Variants in PLEKHB2 observed in about 807,000 individuals in gnomAD.
The protein encoded by PLEKHB2 is pleckstrin homology domain-containing family B member 2.
Under a neutral mutation model 36.5 loss-of-function variants are expected in PLEKHB2, and 31 were observed. The ratio of observed to expected loss-of-function variants is 0.85; its 90% CI spans 0.64 to 1.15. The LOEUF is 1.15. Among genes scored for constraint, PLEKHB2 ranks in the 50% most tolerant of loss-of-function variants. PLEKHB2 has a pLI of 0.00. For synonymous variants in PLEKHB2, 119 were observed against 112.0 expected (o/e 1.06, Z -0.39); for missense variants, 262 against 295.3 (o/e 0.89, Z 0.83).
intron 1 of PLEKHB2, chr2:131,107,696 C>T (rs1694875891): frequency 6.6e-6 from 1 of 152,206 alleles, no homozygotes; most frequent in Non-Finnish European, 1.5e-5. Flanking sequence ...GAGTTTCACT[C>T]CTGTTGCTTA....
chr2:131,112,740 C>G (rs1397772992), intron 1 of PLEKHB2, among the ~76,000 whole-genome samples: 1 of 152,044 alleles, frequency 6.6e-6, no homozygotes, highest in Admixed American at 6.6e-5. Flanking sequence ...TAGTAACAGT[C>G]TTGGTAATTT....
intron 1 of PLEKHB2, among the ~76,000 whole-genome samples, chr2:131,109,271 C>CT (rs1695042519): frequency 6.6e-6 from 1 of 152,276 alleles, no homozygotes; most frequent in African/African-American, 2.4e-5. Flanking sequence ...AAGCAGAGCA[C>CT]TGTTGGAAGG....
chr2:131,119,508 G>A (rs538936674), intron 1 of PLEKHB2, among the ~76,000 whole-genome samples: 66 of 152,320 alleles, frequency 4.3e-4, no homozygotes, highest in African/African-American at 1.2e-3. Context: ...GCATGTTGGC[G>A]CGCTTCTGCA....
In PLEKHB2 at chr2:131,107,237, A is replaced by G. The variant is rs541921405; in HGVS notation, c.-9+1839A>G. ...ATGCTCCCAAAGTGGGGGCTAATTG[A>G]CCCAGTTGTTTTGTTAGTTATATAT... On this transcript the variant is annotated intron_variant, in intron 1 of 7. Coordinates refer to ENST00000693505, the MANE Select transcript of PLEKHB2 (RefSeq NM_001100623.2). 7.3e-4 allele frequency among the ~76,000 whole-genome samples: 111 copies of G among 152,324 alleles called. 2 individuals are homozygous for G. In the South Asian group the frequency reaches 0.023, roughly 32 times the overall value.
chr2:131,127,921 T>C (rs1228294875), intron 4 of PLEKHB2, among the ~76,000 whole-genome samples: 4 of 152,216 alleles, frequency 2.6e-5, no homozygotes, highest in Non-Finnish European at 4.4e-5. Flanking sequence ...GGACTCATCA[T>C]TGCAGGGCAG....
intron 7 of PLEKHB2, among the ~76,000 whole-genome samples, 198 bp downstream of exon 7, chr2:131,140,473 G>C (rs114571538): frequency 1.4e-3 from 206 of 152,342 alleles, no homozygotes; most frequent in Non-Finnish European, 2.7e-3. Flanking sequence ...CCGTAGGCTT[G>C]ATTTTTAGAA....
chr2:131,141,073 G>A (rs1380246195), intron 7 of PLEKHB2, among the ~76,000 whole-genome samples: 1 of 152,156 alleles, frequency 6.6e-6, no homozygotes, highest in East Asian at 1.9e-4. Flanking sequence ...AGTGGGAGAC[G>A]AGCTGGTACC....
intron 1 of PLEKHB2, among the ~76,000 whole-genome samples, chr2:131,115,005 A>G (rs1695710457): frequency 6.6e-6 from 1 of 152,212 alleles, no homozygotes; most frequent in Non-Finnish European, 1.5e-5. Flanking sequence ...CTGCTAATAA[A>G]GATATACCCA....
At chr2:131,130,871 C>G (rs922315085) in intron 5 of PLEKHB2, 111 bp downstream of exon 5, 3 of 753,688 alleles carry the variant, frequency 4.0e-6, no homozygotes, top group Non-Finnish European at 4.6e-6. Context: ...GCCTCTACCT[C>G]TCGGGCTCAA....
intron 5 of PLEKHB2, among the ~76,000 whole-genome samples, chr2:131,131,973 ACAGGCACGTGC>A (rs1180225947): frequency 2.0e-5 from 3 of 151,974 alleles, no homozygotes; most frequent in Non-Finnish European, 4.4e-5. Context: ...AGCTGGGATT[ACAGGCACGTGC>A]CACCACGCCC....
rs755288553 is a variant in PLEKHB2 at position 131,146,634 on chromosome 2, T to C, written c.533-3T>C. The stretch of plus-strand genomic sequence containing the variant: ...GAAATCTGCTATTTTCCTTCTCTTT[T>C]AGGACTTTATGGACAGCAGCCTGCT... On this transcript the variant is annotated splice_region_variant and splice_polypyrimidine_tract_variant and intron_variant, in intron 7 of 7. Transcript: ENST00000693505. 7.5e-6 allele frequency: 12 copies of C among 1,607,862 alleles called. No individual in the cohort carries two copies. In the South Asian group the frequency reaches 1.2e-4, roughly 16 times the overall value.
At chr2:131,122,619 T>C (rs1055161640) in intron 2 of PLEKHB2, among the ~76,000 whole-genome samples, 23 of 152,196 alleles carry the variant, frequency 1.5e-4, no homozygotes, top group African/African-American at 5.1e-4. Flanking sequence ...CTTGTCTAAG[T>C]GTGAACTGTG....
chr2:131,143,040 G>A (rs192580379), intron 7 of PLEKHB2, among the ~76,000 whole-genome samples: 5 of 152,254 alleles, frequency 3.3e-5, no homozygotes, highest in Middle Eastern at 3.4e-3. Context: ...TTTCAGTATA[G>A]TACTCATTCA....
intron 1 of PLEKHB2, among the ~76,000 whole-genome samples, chr2:131,111,011 A>T (rs1212201035): frequency 6.7e-6 from 1 of 148,780 alleles, no homozygotes; most frequent in Non-Finnish European, 1.5e-5. Context: ...TATAAGCAGA[A>T]TTTTTTTTTT....
intron 7 of PLEKHB2, among the ~76,000 whole-genome samples, chr2:131,142,913 G>A (rs1291729369): frequency 1.3e-5 from 2 of 151,986 alleles, no homozygotes; most frequent in African/African-American, 4.8e-5. Context: ...TATGCAGGCA[G>A]GCCCCAACTC....
rs35843855 is a variant in PLEKHB2, at chr2:131,129,579, AT to A, written c.294-1140del. On this transcript the variant is annotated intron_variant, in intron 4 of 7. Coordinates refer to ENST00000693505, the MANE Select transcript of PLEKHB2 (RefSeq NM_001100623.2). The stretch of plus-strand genomic sequence containing the variant: ...GAGTGCAATGGTATAATCTCCGCTC[AT>A]TGCAACCTCTGCCTCCCGGGTTCAA... 1.9e-4 allele frequency among the ~76,000 whole-genome samples: 29 copies of A among 152,276 alleles called. No homozygotes were observed. The South Asian group carries it at 2.7e-3, about 14-fold the overall frequency.
At chr2:131,142,492 A>G (rs1024626812) in intron 7 of PLEKHB2, among the ~76,000 whole-genome samples, 5 of 146,354 alleles carry the variant, frequency 3.4e-5, no homozygotes, top group Admixed American at 2.0e-4. Context: ...TTTTTTTGCT[A>G]TTGTAGATAC....
chr2:131,146,570 G>A, intron 7 of PLEKHB2, 67 bp from the exon 8 acceptor site: 2 of 1,508,766 alleles, frequency 1.3e-6, no homozygotes, highest in Non-Finnish European at 9.0e-7. Context: ...AGGAGAACTG[G>A]TACTTTGCGT....
At chr2:131,115,234 A>G (rs1475471505) in intron 1 of PLEKHB2, among the ~76,000 whole-genome samples, 1 of 151,674 alleles carries the variant, frequency 6.6e-6, no homozygotes, top group African/African-American at 2.4e-5. Flanking sequence ...AACTGTCCCC[A>G]TGATTCAGTT....
Sources: gnomAD v4.1 joint callset for allele counts (sites outside exome capture counted in the v4.1 genomes callset) on GRCh38, gnomAD v4.1.1 for gene constraint, MANE v1.5 for transcripts, NCBI Gene and HGNC (gene_info 2026-07-23, HGNC 2026-07-21) for gene names.